Variants in EPHB1 observed in about 807,000 individuals in gnomAD.
EPHB1 encodes the protein EPH receptor B1, also known as ephrin type-B receptor 1.
Under a neutral mutation model 94.4 loss-of-function variants are expected in EPHB1, and 30 were observed. That is an observed-to-expected ratio of 0.32 (90% CI 0.24 to 0.43). The LOEUF is 0.43. Among genes scored for constraint, EPHB1 ranks in the 20% least tolerant of loss-of-function variants. EPHB1 has a pLI of 1.00. For missense variants in EPHB1, 1,055 were observed against 1,308.3 expected (o/e 0.81, Z 2.99); for synonymous variants, 522 against 489.1 (o/e 1.07, Z -0.89).
chr3:134,955,105 A>ATTTTTTTTTTTTTTTTTTTTTTTCT (rs1174011769), intron 3 of EPHB1, among the ~76,000 whole-genome samples: 1 of 24,132 alleles, frequency 4.1e-5, no homozygotes. Context: ...TTTTTTTTTA[A>ATTTTTTTTTTTTTTTTTTTTTTTCT]TTTTTTTTTT....
chr3:135,039,880 G>T (rs549138809), intron 3 of EPHB1, among the ~76,000 whole-genome samples: 31 of 152,320 alleles, frequency 2.0e-4, no homozygotes, highest in Non-Finnish European at 3.8e-4. Context: ...GCAGTGGGGG[G>T]GCTGAAGGGC....
intron 3 of EPHB1, among the ~76,000 whole-genome samples, chr3:134,996,085 C>T (rs945618350): frequency 6.6e-6 from 1 of 152,142 alleles, no homozygotes; most frequent in African/African-American, 2.4e-5. Context: ...ACTTATTTCA[C>T]TAAACTTAGA....
intron 1 of EPHB1, among the ~76,000 whole-genome samples, chr3:134,924,568 T>C (rs2038753142): frequency 6.6e-6 from 1 of 152,054 alleles, no homozygotes; most frequent in South Asian, 2.1e-4. Flanking sequence ...ATGGCTAAAG[T>C]TAAAAACAAA....
intron 3 of EPHB1, among the ~76,000 whole-genome samples, chr3:135,024,519 TC>T (rs899964904): frequency 1.3e-5 from 2 of 152,180 alleles, no homozygotes; most frequent in Non-Finnish European, 2.9e-5. Flanking sequence ...GTGTGCTAGT[TC>T]CCAGCCAGAG....
chr3:134,978,310 C>A (rs986523541), intron 3 of EPHB1, among the ~76,000 whole-genome samples: 5 of 152,162 alleles, frequency 3.3e-5, no homozygotes, highest in African/African-American at 1.2e-4. Context: ...ATGGTTGCTC[C>A]AGGGATTTTC....
rs375877129 is a variant in EPHB1 at position 135,148,603 on chromosome 3, G to C, written c.1298-5549G>C. On this transcript the variant is annotated intron_variant, in intron 5 of 15. Transcript: ENST00000398015. ...AACATTTGTTCCACGTCATCTGTGAGCTCTTTCACAACTTGCAGCTAGGGC... is the reference window on the plus strand; with the variant it reads ...AACATTTGTTCCACGTCATCTGTGACCTCTTTCACAACTTGCAGCTAGGGC... Among the ~76,000 whole-genome samples, 9 of 152,296 alleles carry C rather than the reference G, an allele frequency of 5.9e-5. No individual in the cohort carries two copies. In the East Asian group the frequency reaches 7.7e-4, roughly 13 times the overall value.
At chr3:135,191,947 C>T (rs971285771) in intron 10 of EPHB1, among the ~76,000 whole-genome samples, 2 of 152,196 alleles carry the variant, frequency 1.3e-5, no homozygotes, top group African/African-American at 4.8e-5. Context: ...TCTGCTCTGG[C>T]TCTCCCTTTG....
chr3:135,048,433 C>T (rs917673137), intron 3 of EPHB1, among the ~76,000 whole-genome samples: 2 of 151,760 alleles, frequency 1.3e-5, no homozygotes, highest in African/African-American at 4.8e-5. Flanking sequence ...CCATGCCTGC[C>T]TGTTTTTTGT....
chr3:135,114,209 A>G (rs1200722371), intron 4 of EPHB1, among the ~76,000 whole-genome samples: 1 of 152,162 alleles, frequency 6.6e-6, no homozygotes, highest in Non-Finnish European at 1.5e-5. Context: ...ACTGATTTTT[A>G]TCATCTTTCA....
At chr3:134,870,169 G>A (rs2037469609) in intron 1 of EPHB1, among the ~76,000 whole-genome samples, 1 of 152,170 alleles carries the variant, frequency 6.6e-6, no homozygotes, top group Non-Finnish European at 1.5e-5. Flanking sequence ...TGGGAGAGAA[G>A]GTGAGATCAG....
At chr3:134,799,617 T>A (rs2035897195) in intron 1 of EPHB1, among the ~76,000 whole-genome samples, 1 of 152,134 alleles carries the variant, frequency 6.6e-6, no homozygotes, top group South Asian at 2.1e-4. Context: ...ACCTTCTGGG[T>A]TAGTAGAAGA....
At chr3:135,172,702 A>G (rs1446718174) in intron 9 of EPHB1, among the ~76,000 whole-genome samples, 3 of 152,268 alleles carry the variant, frequency 2.0e-5, no homozygotes, top group Admixed American at 6.5e-5. Flanking sequence ...TAACCAGAGC[A>G]TTAGTCAATG....
intron 3 of EPHB1, among the ~76,000 whole-genome samples, chr3:135,025,458 G>A (rs1343202306): frequency 1.1e-5 from 1 of 87,990 alleles, no homozygotes; most frequent in African/African-American, 3.9e-5. Flanking sequence ...GAGAATATGC[G>A]GTGTTTGGTT....
chr3:134,854,934 A>G (rs758493738), intron 1 of EPHB1, among the ~76,000 whole-genome samples: 9 of 152,178 alleles, frequency 5.9e-5, no homozygotes, highest in Non-Finnish European at 1.3e-4. Flanking sequence ...GAAGTGAATT[A>G]TAATCCCCTG....
chr3:135,087,125 A>G (rs1416442935), intron 3 of EPHB1, among the ~76,000 whole-genome samples: 2 of 152,226 alleles, frequency 1.3e-5, no homozygotes, highest in African/African-American at 4.8e-5. Context: ...ATTCCATTAG[A>G]AAGTCAAGGT....
chr3:135,045,599 A>T (rs534792768), intron 3 of EPHB1, among the ~76,000 whole-genome samples: 1 of 152,338 alleles, frequency 6.6e-6, no homozygotes, highest in East Asian at 1.9e-4. Flanking sequence ...GAAAGGAGTG[A>T]GTTTATCACT....
chr3:135,034,735 C>G (rs1485295578), intron 3 of EPHB1, among the ~76,000 whole-genome samples: 1 of 152,252 alleles, frequency 6.6e-6, no homozygotes, highest in Non-Finnish European at 1.5e-5. Flanking sequence ...CAGGCACTTT[C>G]TAAGGTCCCC....
intron 1 of EPHB1, among the ~76,000 whole-genome samples, chr3:134,861,485 A>G (rs1490211271): frequency 1.3e-5 from 2 of 152,176 alleles, no homozygotes; most frequent in South Asian, 2.1e-4. Context: ...GCAACCAGAC[A>G]TAGAGAATTT....
At chr3:135,079,443 A>C (rs1576367382) in intron 3 of EPHB1, among the ~76,000 whole-genome samples, 2 of 152,194 alleles carry the variant, frequency 1.3e-5, no homozygotes, top group African/African-American at 4.8e-5. Context: ...CCATGCCTCC[A>C]TCCAACTGGT....
Sources: gnomAD v4.1 joint callset for allele counts (sites outside exome capture counted in the v4.1 genomes callset) on GRCh38, gnomAD v4.1.1 for gene constraint, MANE v1.5 for transcripts, NCBI Gene and HGNC (gene_info 2026-07-23, HGNC 2026-07-21) for gene names.